Variants in ACADL observed in about 807,000 individuals in gnomAD.
ACADL encodes the protein acyl-CoA dehydrogenase long chain, also known as long-chain specific acyl-CoA dehydrogenase, mitochondrial.
ACADL carries 60 observed loss-of-function variants against 56.9 expected under a neutral mutation model. The observed-to-expected ratio is 1.05, with a 90% CI of 0.86 to 1.31. ACADL has a LOEUF of 1.31. ACADL is among the 50% of genes most tolerant of loss of function. ACADL has a pLI of 0.00. For missense variants in ACADL, 484 were observed against 525.5 expected (o/e 0.92, Z 0.77); for synonymous variants, 158 against 179.7 (o/e 0.88, Z 0.97).
chr2:210,211,675 T>G (rs62202972), intron 4 of ACADL, among the ~76,000 whole-genome samples: 1 of 152,050 alleles, frequency 6.6e-6, no homozygotes, highest in South Asian at 2.1e-4. Flanking sequence ...GTAAGTTTCC[T>G]GAGGCCTCCC....
At chr2:210,210,075 A>G (rs1688952791) in intron 5 of ACADL, 121 bp downstream of exon 5, 3 of 792,128 alleles carry the variant, frequency 3.8e-6, no homozygotes, top group African/African-American at 3.4e-5. Context: ...AAAACAACTT[A>G]GATAAATTCA....
intron 4 of ACADL, among the ~76,000 whole-genome samples, chr2:210,210,608 C>T (rs1688963688): frequency 6.6e-6 from 1 of 152,096 alleles, no homozygotes; most frequent in Non-Finnish European, 1.5e-5. Context: ...TACTTTGCTG[C>T]CTTTAAACAC....
At chr2:210,216,608 T>C (rs1689091118) in intron 3 of ACADL, 97 bp from the exon 4 acceptor site, 2 of 1,149,030 alleles carry the variant, frequency 1.7e-6, no homozygotes, top group African/African-American at 1.5e-5. Context: ...AATTGTTTGG[T>C]AGTGGCCTAT....
intron 5 of ACADL, among the ~76,000 whole-genome samples, chr2:210,208,753 A>G (rs1285942604): frequency 2.6e-5 from 4 of 152,174 alleles, no homozygotes; most frequent in Admixed American, 6.6e-5. Flanking sequence ...CACTTAATGT[A>G]TAATTATTTC....
chr2:210,195,592 A>G (rs1055799759), intron 8 of ACADL, among the ~76,000 whole-genome samples: 3 of 152,214 alleles, frequency 2.0e-5, no homozygotes, highest in African/African-American at 7.2e-5. Context: ...GTCTTGTTTC[A>G]GATTGTAAAA....
intron 1 of ACADL, chr2:210,224,963 C>G: frequency 7.3e-7 from 1 of 1,375,156 alleles, no homozygotes; most frequent in Non-Finnish European, 9.3e-7. Flanking sequence ...GCGGTCTGTT[C>G]TCGGGGCGGC....
intron 7 of ACADL, among the ~76,000 whole-genome samples, chr2:210,203,661 CTTTA>C (rs1688835890): frequency 6.6e-6 from 1 of 151,934 alleles, no homozygotes; most frequent in South Asian, 2.1e-4. Context: ...GAATGACTAC[CTTTA>C]TTTTTTTATA....
rs1442455221 is a variant in ACADL at position 210,205,753 on chromosome 2, A to G, written c.647T>C (p.Val216Ala). The stretch of plus-strand genomic sequence containing the variant: ...GGGAGCTTCATGATTTGTGACCGCA[A>G]CTACAATCACAACATCACTTAATGA... ...NGSLSDVVIV[V>A]AVTNHEAPSP... The change falls in exon 6 of 11, where the codon GTT (valine) becomes GCT (alanine). Residue 216 changes from valine to alanine, a missense_variant. Transcript: ENST00000233710. 1 of 1,614,032 alleles carries G rather than the reference A, an allele frequency of 6.2e-7. No homozygotes were observed. Among genetic ancestry groups the G allele is most frequent in the Admixed American group, 1.7e-5 (1 of 59,998 alleles).
intron 4 of ACADL, among the ~76,000 whole-genome samples, chr2:210,212,737 T>C (rs1347058122): frequency 2.0e-5 from 3 of 152,244 alleles, no homozygotes; most frequent in African/African-American, 7.2e-5. Context: ...GAACATGTGG[T>C]GTATCAAGAT....
chr2:210,195,449 G>C, intron 8 of ACADL, 111 bp from the exon 9 acceptor site: 1 of 1,208,050 alleles, frequency 8.3e-7, no homozygotes, highest in South Asian at 1.3e-5. Context: ...GCAAACAAAA[G>C]TGGAATTGTT....
At chr2:210,192,425 G>C (rs2125708433) in intron 10 of ACADL, among the ~76,000 whole-genome samples, 1 of 152,154 alleles carries the variant, frequency 6.6e-6, no homozygotes, top group South Asian at 2.1e-4. Context: ...GGAAGGTGGA[G>C]GTTGCAGTGA....
intron 7 of ACADL, 72 bp downstream of exon 7, chr2:210,204,506 AAAT>A: frequency 1.1e-5 from 13 of 1,139,390 alleles, no homozygotes; most frequent in Non-Finnish European, 1.6e-5. Context: ...CATAATATAG[AAAT>A]AACATGTTTC....
chr2:210,194,689 G>T (rs375375818), intron 9 of ACADL, among the ~76,000 whole-genome samples: 126 of 152,218 alleles, frequency 8.3e-4, no homozygotes, highest in African/African-American at 2.7e-3. Flanking sequence ...AAATTGGAAA[G>T]CACCTTAAAT....
intron 1 of ACADL, 158 bp downstream of exon 1, chr2:210,225,029 A>T (rs181979354): frequency 2.0e-6 from 2 of 985,226 alleles, no homozygotes; most frequent in Non-Finnish European, 2.4e-6. Context: ...AGTCCGCGGG[A>T]TCCAGGAAAG....
chr2:210,210,405 T>C (rs959637517), intron 4 of ACADL, 143 bp from the exon 5 acceptor site: 2 of 617,166 alleles, frequency 3.2e-6, no homozygotes, highest in African/African-American at 3.7e-5. Context: ...TTCACACAAT[T>C]GCACTGAAAA....
intron 7 of ACADL, 135 bp from the exon 8 acceptor site, chr2:210,203,579 T>A (rs916503648): frequency 1.7e-6 from 1 of 599,824 alleles, no homozygotes; most frequent in Non-Finnish European, 2.9e-6. Flanking sequence ...TAACTCCTTA[T>A]AAGAAAACAG....
intron 5 of ACADL, among the ~76,000 whole-genome samples, chr2:210,209,204 C>A (rs938194798): frequency 6.6e-6 from 1 of 152,172 alleles, no homozygotes; most frequent in African/African-American, 2.4e-5. Flanking sequence ...CTTATAAAAA[C>A]TAATTCTTCA....
intron 10 of ACADL, among the ~76,000 whole-genome samples, chr2:210,192,281 G>T (rs1360889665): frequency 2.0e-5 from 3 of 151,802 alleles, no homozygotes; most frequent in Non-Finnish European, 2.9e-5. Context: ...GAGGCCAGGG[G>T]TTTGAGACCA....
At chr2:210,222,577 A>T (rs930822419) in intron 1 of ACADL, among the ~76,000 whole-genome samples, 1 of 152,058 alleles carries the variant, frequency 6.6e-6, no homozygotes, top group Non-Finnish European at 1.5e-5. Flanking sequence ...GAAAGGTGAG[A>T]TTTGAGCAAA....
Sources: gnomAD v4.1 joint callset for allele counts (sites outside exome capture counted in the v4.1 genomes callset) on GRCh38, gnomAD v4.1.1 for gene constraint, MANE v1.5 for transcripts, NCBI Gene and HGNC (gene_info 2026-07-23, HGNC 2026-07-21) for gene names.